CTTNBP2: variants seen among roughly 807,000 people sequenced by gnomAD.
CTTNBP2 encodes the protein cortactin-binding protein 2.
A neutral mutation model predicts 156.9 loss-of-function variants in CTTNBP2; 108 were observed. That is an observed-to-expected ratio of 0.69 (90% CI 0.59 to 0.81). The LOEUF is 0.81. Among genes scored for constraint, CTTNBP2 ranks in the 30% least tolerant of loss-of-function variants. CTTNBP2 has a pLI of 0.00. For missense variants in CTTNBP2, 1,924 were observed against 2,035.4 expected (o/e 0.95, Z 1.05); for synonymous variants, 767 against 751.8 (o/e 1.02, Z -0.33).
intron 16 of CTTNBP2, among the ~76,000 whole-genome samples, chr7:117,733,642 C>A (rs977440543): frequency 2.0e-5 from 3 of 152,108 alleles, no homozygotes; most frequent in Middle Eastern, 3.2e-3. Context: ...ATATTTATGA[C>A]CAAGTAACTG....
At chr7:117,733,675 A>AT (rs1165270576) in intron 16 of CTTNBP2, among the ~76,000 whole-genome samples, 1 of 152,178 alleles carries the variant, frequency 6.6e-6, no homozygotes, top group African/African-American at 2.4e-5. Context: ...CATGGGGTAG[A>AT]TTTCCCTCAT....
Position 117,728,112 on chromosome 7 carries a change from AG to A in CTTNBP2, c.4031del (p.Pro1344LeufsTer6), listed in dbSNP as rs777499040. 3.1e-6 allele frequency: 5 copies of A among 1,613,890 alleles called. No homozygotes were observed. In the East Asian group the frequency reaches 1.1e-4, roughly 36 times the overall value. On this transcript the variant is annotated frameshift_variant, in exon 17 of 23. Transcript: ENST00000160373. LOFTEE classifies it high-confidence loss of function. ...PKYFLSCPVV[P>X]GHAQVTVKWM... ...ACTTCACTGTCACTTGGGCATGCCCAGGAACTACAGGACAAGACAGGAAATA... is the reference window on the plus strand; with the variant it reads ...ACTTCACTGTCACTTGGGCATGCCCAGAACTACAGGACAAGACAGGAAATA...
chr7:117,728,417 T>C (rs922106338), intron 16 of CTTNBP2, 150 bp from the exon 17 acceptor site: 11 of 613,558 alleles, frequency 1.8e-5, no homozygotes, highest in Admixed American at 3.1e-5. Context: ...GGAGGGATAA[T>C]AACACATACT....
chr7:117,841,002 T>TA (rs1226372800), intron 2 of CTTNBP2, among the ~76,000 whole-genome samples: 2 of 152,202 alleles, frequency 1.3e-5, no homozygotes, highest in African/African-American at 4.8e-5. Context: ...GTTATCTTAT[T>TA]AAAAAGTAAA....
At position 117,724,566 on chromosome 7, in the gene CTTNBP2, C is replaced by T; in HGVS notation, c.4428G>A (p.Lys1476=). 6.2e-7 allele frequency: 1 copy of T among 1,613,762 alleles called. No homozygotes were observed. Among genetic ancestry groups the T allele is most frequent in the Non-Finnish European group, 8.5e-7 (1 of 1,179,952 alleles). Residue 1476 remains lysine, a synonymous_variant, in exon 19 of 23, where the codon AAG becomes AAA. Coordinates refer to ENST00000160373, the MANE Select transcript of CTTNBP2 (RefSeq NM_033427.3). The part of the protein sequence containing the change: ...SGRFSLPTWN[K]PDLSTEGMKN... ...CTTTACCTTCAGTGCTTAGGTCTGG[C>T]TTATTCCAGGTGGGTAAAGAGAAGC...
At chr7:117,861,181 TG>T in intron 2 of CTTNBP2, 27 bp downstream of exon 2, 1 of 1,390,306 alleles carries the variant, frequency 7.2e-7, no homozygotes, top group Non-Finnish European at 1.0e-6. Context: ...TGATCCAGCA[TG>T]GAGACCCACT....
At chr7:117,731,612 T>C (rs1795403794) in intron 16 of CTTNBP2, among the ~76,000 whole-genome samples, 1 of 152,252 alleles carries the variant, frequency 6.6e-6, no homozygotes, top group African/African-American at 2.4e-5. Context: ...TTGCCATGGC[T>C]ATAGGTCCTT....
chr7:117,863,737 T>C (rs1318724281), intron 1 of CTTNBP2, among the ~76,000 whole-genome samples: 1 of 152,206 alleles, frequency 6.6e-6, no homozygotes, highest in Non-Finnish European at 1.5e-5. Context: ...AAGTGCCAAA[T>C]GAAGGCAGGC....
intron 3 of CTTNBP2, among the ~76,000 whole-genome samples, chr7:117,809,869 A>C (rs992241156): frequency 1.3e-5 from 2 of 152,230 alleles, no homozygotes; most frequent in Admixed American, 6.5e-5. Flanking sequence ...AAACATTTTA[A>C]TTTATGCTTT....
chr7:117,865,600 C>T (rs1037832220), intron 1 of CTTNBP2, among the ~76,000 whole-genome samples: 1 of 146,290 alleles, frequency 6.8e-6, no homozygotes, highest in African/African-American at 2.5e-5. Context: ...TTGCTTGAAC[C>T]CAGGAGGCAG....
At position 117,719,583 on chromosome 7, in the gene CTTNBP2, A is replaced by G; in HGVS notation, c.4565T>C (p.Leu1522Pro). 6.2e-7 allele frequency: 1 copy of G among 1,613,812 alleles called. No individual in the cohort carries two copies. The highest frequency in any genetic ancestry group is 8.5e-7 in the Non-Finnish European group (1 of 1,179,770). Residue 1522 changes from leucine (L) to proline (P), a missense_variant, in exon 21 of 23, where the codon CTG becomes CCG. Physicochemically the swap from Leu to Pro is moderately conservative, Grantham distance 98 (BLOSUM62 -3). Coordinates refer to ENST00000160373, the MANE Select transcript of CTTNBP2 (RefSeq NM_033427.3). ...AAGATCTGCTTCGTCATCTGAACCC[A>G]GAGAGAGTCTCTGATCCAAATTCAA... Reference protein sequence around the residue: ...LTLNLDQRLSLGSDDEADLVK... With the variant: ...LTLNLDQRLSPGSDDEADLVK...
intron 19 of CTTNBP2, among the ~76,000 whole-genome samples, chr7:117,723,428 T>TA (rs1356455347): frequency 6.6e-6 from 1 of 152,220 alleles, no homozygotes; most frequent in Non-Finnish European, 1.5e-5. Context: ...CCCACTGCTA[T>TA]AAAGTTGGCA....
rs764830169 is a variant in CTTNBP2, at chr7:117,792,643, C to T, written c.553G>A (p.Val185Ile). 1 of 1,614,132 alleles carries T rather than the reference C, an allele frequency of 6.2e-7. No homozygotes were observed. The highest frequency in any genetic ancestry group is 8.5e-7 in the Non-Finnish European group (1 of 1,180,036). ...VKECKQLSGK[V>I]IEEAQKLEDV... is the part of the protein sequence containing the mutation. ...TCGAGCTTCTGGGCCTCCTCTATGA[C>T]TTTGCCTGAGAGCTGCTTGCACTCT... Residue 185 changes from valine (V) to isoleucine (I), a missense_variant, in exon 4 of 23, where the codon GTC becomes ATC. Coordinates refer to ENST00000160373, the MANE Select transcript of CTTNBP2 (RefSeq NM_033427.3). The surrounding 1 kb of genome is among the most constrained non-coding windows in gnomAD (Gnocchi z 4.2).
chr7:117,848,440 C>A (rs1021204454), intron 2 of CTTNBP2, among the ~76,000 whole-genome samples: 10 of 152,148 alleles, frequency 6.6e-5, no homozygotes, highest in African/African-American at 2.4e-4. Context: ...TTATACTCAG[C>A]CATTACAGTT....
At position 117,724,823 on chromosome 7, in the gene CTTNBP2, A is replaced by C. The variant is rs973198403; in HGVS notation, c.4262-91T>G. Reference sequence around the variant, plus strand: ...TTTCTCAAAGATACGGACTGTTCAAAATAATGCATTTATTTAGTATCCAAG... The same window carrying C: ...TTTCTCAAAGATACGGACTGTTCAACATAATGCATTTATTTAGTATCCAAG... On this transcript the variant is annotated intron_variant, in intron 18 of 22. Transcript: ENST00000160373. 3 of 1,426,872 alleles carry C rather than the reference A, an allele frequency of 2.1e-6. No homozygotes were observed. The African/African-American group carries it at 4.3e-5, about 21-fold the overall frequency. The allele number at this position is 1,426,872 out of a possible 1,614,324, so 88.4% of individuals were successfully genotyped here.
At chr7:117,739,854 T>C (rs2116517934) in intron 14 of CTTNBP2, among the ~76,000 whole-genome samples, 1 of 152,318 alleles carries the variant, frequency 6.6e-6, no homozygotes, top group Admixed American at 6.5e-5. Flanking sequence ...GAGACTCCAA[T>C]TGTCATAGTC....
chr7:117,869,988 A>G (rs183903295), intron 1 of CTTNBP2, among the ~76,000 whole-genome samples: 1 of 152,094 alleles, frequency 6.6e-6, no homozygotes, highest in African/African-American at 2.4e-5. Flanking sequence ...ACATTTGCAC[A>G]CTCCTTCTTG....
chr7:117,713,054 CTTGTGAA>C (rs1794147316), intron 22 of CTTNBP2, among the ~76,000 whole-genome samples: 1 of 152,140 alleles, frequency 6.6e-6, no homozygotes, highest in Admixed American at 6.6e-5. Context: ...TACAAACCCT[CTTGTGAA>C]TTGTGCAAGT....
intron 1 of CTTNBP2, among the ~76,000 whole-genome samples, chr7:117,865,134 T>C (rs1307495767): frequency 6.6e-6 from 1 of 151,718 alleles, no homozygotes; most frequent in Non-Finnish European, 1.5e-5. Context: ...ATAATCTAAT[T>C]TTCAAATTGG....
Sources: gnomAD v4.1 joint callset for allele counts (sites outside exome capture counted in the v4.1 genomes callset) on GRCh38, gnomAD v4.1.1 for gene constraint, Gnocchi (gnomAD v3.1) non-coding constraint, MANE v1.5 for transcripts, NCBI Gene and HGNC (gene_info 2026-07-23, HGNC 2026-07-21) for gene names.